Variants in TMEM169 observed in about 807,000 individuals in gnomAD.
TMEM169 encodes transmembrane protein 169.
Under a neutral mutation model 27.3 loss-of-function variants are expected in TMEM169, and 18 were observed. That is an observed-to-expected ratio of 0.66 (90% CI 0.46 to 0.98). The LOEUF is 0.98. Among genes scored for constraint, TMEM169 ranks in the 50% least tolerant of loss-of-function variants. The pLI is 0.00. For synonymous variants in TMEM169, 136 were observed against 142.1 expected (o/e 0.96, Z 0.30); for missense variants, 320 against 368.6 (o/e 0.87, Z 1.08).
Position 216,095,839 on chromosome 2 carries a change from T to C in TMEM169, c.-125T>C. 8.7e-7 allele frequency: 1 copy of C among 1,147,008 alleles called. No homozygotes were observed. The highest frequency in any genetic ancestry group is 1.7e-5 in the South Asian group (1 of 60,306). The allele number at this position is 1,147,008 out of a possible 1,614,324, so 71.1% of individuals were successfully genotyped here. ...TGGCTTTGCTTTCCTATCTTTCAGG[T>C]GGAATGCATCCTTGGGACATCTTTG... On this transcript the variant is annotated splice_region_variant and 5_prime_UTR_variant, in exon 2 of 3. Coordinates refer to ENST00000437356, the MANE Select transcript of TMEM169 (RefSeq NM_001142311.2).
At chr2:216,086,715 G>A (rs1490315125) in intron 1 of TMEM169, among the ~76,000 whole-genome samples, 1 of 152,106 alleles carries the variant, frequency 6.6e-6, no homozygotes, top group African/African-American at 2.4e-5. Context: ...GTCCAGCCCT[G>A]GGGTTTTCCC....
At position 216,101,588 on chromosome 2, in the gene TMEM169, T is replaced by G. The variant is rs1696396338; in HGVS notation, c.*1046T>G. On this transcript the variant is annotated 3_prime_UTR_variant, in exon 3 of 3. Transcript: ENST00000437356. ...TCGCCTCCTGGGTTCAAGCAATTCT[T>G]GTGCCTTGGCCTCCCCAGTAGCTGG... 1 of 152,218 alleles carries G rather than the reference T, an allele frequency of 6.6e-6. No individual in the cohort carries two copies. The highest frequency in any genetic ancestry group is 6.5e-5 in the Admixed American group (1 of 15,280). The allele number at this position is 152,218 out of a possible 1,614,324, so 9.4% of individuals were successfully genotyped here. A position where few individuals can be genotyped will look rare whatever the true frequency, so the allele number is the denominator to read the frequency against.
In TMEM169 at chr2:216,102,513, G is replaced by A. The variant is rs1696417629; in HGVS notation, c.*1971G>A. 1 of 152,506 alleles carries A rather than the reference G, an allele frequency of 6.6e-6. No homozygotes were observed. The highest frequency in any genetic ancestry group is 2.4e-5 in the African/African-American group (1 of 41,390). 9.4% of individuals were successfully genotyped at this position (152,506 alleles called of 1,614,324 possible). On this transcript the variant is annotated 3_prime_UTR_variant, in exon 3 of 3. Coordinates refer to ENST00000437356, the MANE Select transcript of TMEM169 (RefSeq NM_001142311.2). The stretch of plus-strand genomic sequence containing the variant: ...TCATGTCTCAAAACAAAGCTGTTGA[G>A]AGAACTGCTGCGATGAATCAAACCA...
intron 1 of TMEM169, among the ~76,000 whole-genome samples, chr2:216,087,220 G>A (rs147599409): frequency 0.011 from 1,741 of 152,262 alleles, 18 homozygotes; most frequent in Non-Finnish European, 0.013. Context: ...GTGCAAATAC[G>A]GAGAGCCTCA....
chr2:216,088,686 C>T (rs974949600), intron 1 of TMEM169, among the ~76,000 whole-genome samples: 2 of 152,118 alleles, frequency 1.3e-5, no homozygotes, highest in Admixed American at 6.6e-5. Context: ...TAAATGAATA[C>T]GTAAATATTT....
At chr2:216,092,178 A>G (rs1031020293) in intron 1 of TMEM169, among the ~76,000 whole-genome samples, 1 of 152,092 alleles carries the variant, frequency 6.6e-6, no homozygotes, top group African/African-American at 2.4e-5. Flanking sequence ...CCATCAGCCA[A>G]CAAGATGACC....
Position 216,099,823 on chromosome 2 carries a change from G to T in TMEM169, c.272-97G>T. 1 of 1,495,850 alleles carries T rather than the reference G, an allele frequency of 6.7e-7. No individual in the cohort carries two copies. The highest frequency in any genetic ancestry group is 9.0e-7 in the Non-Finnish European group (1 of 1,116,470). The allele number at this position is 1,495,850 out of a possible 1,614,324, so 92.7% of individuals were successfully genotyped here. A position where few individuals can be genotyped will look rare whatever the true frequency, so the allele number is the denominator to read the frequency against. ...GACTGTGCCAGATGGTGTAAAAAAG[G>T]CTACTCTTGTCCTCATGCCCAGCCT... On this transcript the variant is annotated intron_variant, in intron 2 of 2. Coordinates refer to ENST00000437356, the MANE Select transcript of TMEM169 (RefSeq NM_001142311.2). The surrounding 1 kb of genome is among the most constrained non-coding windows in gnomAD (Gnocchi z 5.0).
chr2:216,088,647 G>T (rs1055900865), intron 1 of TMEM169, among the ~76,000 whole-genome samples: 3 of 152,224 alleles, frequency 2.0e-5, no homozygotes, highest in African/African-American at 7.2e-5. Flanking sequence ...TCAAGCCTGG[G>T]CAACATAGAA....
chr2:216,083,075 CCTT>C (rs1695907184), intron 1 of TMEM169: 1 of 152,196 alleles, frequency 6.6e-6, no homozygotes, highest in African/African-American at 2.4e-5. Context: ...ATCCTCTTGT[CCTT>C]CTCTGATCTC....
intron 2 of TMEM169, among the ~76,000 whole-genome samples, chr2:216,096,735 A>C (rs1696273012): frequency 6.6e-6 from 1 of 152,240 alleles, no homozygotes; most frequent in Non-Finnish European, 1.5e-5. Flanking sequence ...TCTAGATGAT[A>C]CAGAAATCTC....
At chr2:216,093,819 C>A (rs1267683278) in intron 1 of TMEM169, among the ~76,000 whole-genome samples, 1 of 151,988 alleles carries the variant, frequency 6.6e-6, no homozygotes, top group Non-Finnish European at 1.5e-5. Context: ...AATATGTATT[C>A]TGGCATTTTA....
intron 1 of TMEM169, among the ~76,000 whole-genome samples, chr2:216,089,368 C>T (rs917189943): frequency 6.6e-6 from 1 of 152,202 alleles, no homozygotes; most frequent in Non-Finnish European, 1.5e-5. Context: ...GGACAGCAAA[C>T]AACAGAACCA....
Position 216,101,031 on chromosome 2 carries a change from A to G in TMEM169, c.*489A>G. ...TTTAGATTTAGCTGCATAGAATTAA[A>G]ACCCTAAAATATCAGTGGCTTAAAC... is the stretch of plus-strand genomic sequence containing the variant. On this transcript the variant is annotated 3_prime_UTR_variant, in exon 3 of 3. Transcript: ENST00000437356. 1 of 180,982 alleles carries G rather than the reference A, an allele frequency of 5.5e-6. No homozygotes were observed. The highest frequency in any genetic ancestry group is 1.2e-5 in the Non-Finnish European group (1 of 84,744). 11.2% of individuals were successfully genotyped at this position (180,982 alleles called of 1,614,324 possible).
intron 1 of TMEM169, among the ~76,000 whole-genome samples, chr2:216,087,832 T>C (rs539390801): frequency 6.6e-6 from 1 of 152,308 alleles, no homozygotes; most frequent in African/African-American, 2.4e-5. Context: ...AGTCCAAGTG[T>C]CCTCTTCTGC....
At chr2:216,087,679 A>T (rs1333789535) in intron 1 of TMEM169, among the ~76,000 whole-genome samples, 9 of 152,170 alleles carry the variant, frequency 5.9e-5, no homozygotes, top group Non-Finnish European at 1.2e-4. Flanking sequence ...GCTTGAGCAA[A>T]TTTCTCCTCT....
At chr2:216,082,062 A>C in intron 1 of TMEM169, 83 bp downstream of exon 1, 1 of 325,906 alleles carries the variant, frequency 3.1e-6, no homozygotes, top group Non-Finnish European at 5.7e-6. Context: ...AAAGAAGAAG[A>C]AAGAAACAAG....
At chr2:216,083,068 C>G (rs1433404222) in intron 1 of TMEM169, 1 of 152,238 alleles carries the variant, frequency 6.6e-6, no homozygotes, top group African/African-American at 2.4e-5. Context: ...TTGCTCCATC[C>G]TCTTGTCCTT....
chr2:216,090,076 G>C (rs1471982945), intron 1 of TMEM169, among the ~76,000 whole-genome samples: 1 of 152,194 alleles, frequency 6.6e-6, no homozygotes, highest in East Asian at 1.9e-4. Context: ...GGGGAGAAAG[G>C]GCAGAAGATT....
At chr2:216,085,360 G>A (rs1695971986) in intron 1 of TMEM169, among the ~76,000 whole-genome samples, 1 of 152,124 alleles carries the variant, frequency 6.6e-6, no homozygotes. Context: ...TTGTGCCACT[G>A]CAGTCCAGCC....
Sources: allele counts gnomAD v4.1 joint callset (sites outside exome capture counted in the v4.1 genomes callset), GRCh38; gene constraint gnomAD v4.1.1; non-coding constraint Gnocchi (gnomAD v3.1); transcripts MANE v1.5; gene names NCBI Gene and HGNC (gene_info 2026-07-23, HGNC 2026-07-21).